The following CDH17 variants were observed in gnomAD, a reference collection of about 807,000 sequenced individuals.
The protein encoded by CDH17 is cadherin 17, also known as cadherin-17.
CDH17 carries 67 observed loss-of-function variants against 86.3 expected under a neutral mutation model. The ratio of observed to expected loss-of-function variants is 0.78; its 90% CI spans 0.64 to 0.95. The LOEUF (loss-of-function observed/expected upper bound fraction) is 0.95, where lower values mean the gene tolerates loss of function less well. CDH17 is among the 40% of genes least tolerant of loss of function. The pLI is 0.00. For synonymous variants in CDH17, 367 were observed against 366.4 expected, an observed-to-expected ratio of 1.00 and a Z score of -0.02; for missense variants, 993 against 1,017.6, an observed-to-expected ratio of 0.98 and a Z score of 0.33.
chr8:94,209,161 C>A (rs1454220908), upstream of CDH17, among the ~76,000 whole-genome samples: 2 of 152,120 alleles, frequency 1.3e-5, no homozygotes, highest in African/African-American at 2.4e-5. Context: ...TTTTCCCCCC[C>A]ACAATTCAGG....
intron 12 of CDH17, among the ~76,000 whole-genome samples, chr8:94,159,067 C>T (rs970886806): frequency 1.3e-5 from 2 of 152,258 alleles, no homozygotes; most frequent in Admixed American, 1.3e-4. Context: ...AGGAAAGTAT[C>T]TTAACTGTAA....
chr8:94,165,780 C>G lies in CDH17; in HGVS notation c.1263G>C (p.Thr421=). The change falls in exon 10 of 18, where the codon ACG becomes ACC. Residue 421 remains threonine, a synonymous_variant. Coordinates refer to ENST00000027335, the MANE Select transcript of CDH17 (RefSeq NM_004063.4). The part of the protein sequence containing the change: ...KKQDTPQYNL[T]IEVSDKDFKT... ...ACTAACCTTTGTCAGACACCTCTAT[C>G]GTTAAGTTGTACTGAGGAGTATCTT... 1 of 1,611,276 alleles carries G rather than the reference C, an allele frequency of 6.2e-7. No individual in the cohort carries two copies. The highest frequency in any genetic ancestry group is 8.5e-7 in the Non-Finnish European group (1 of 1,177,454).
intron 15 of CDH17, among the ~76,000 whole-genome samples, chr8:94,141,282 C>A (rs1309727003): frequency 2.1e-5 from 3 of 139,708 alleles, no homozygotes; most frequent in African/African-American, 7.6e-5. Flanking sequence ...AAAAAAAAAA[C>A]CCTCACAAAT....
chr8:94,145,309 T>C (rs1215137322), intron 15 of CDH17, among the ~76,000 whole-genome samples: 2 of 152,148 alleles, frequency 1.3e-5, no homozygotes, highest in Non-Finnish European at 1.5e-5. Context: ...AGGAATGAAG[T>C]ACTGATGCAT....
At chr8:94,155,282 G>C (rs1218898799) in intron 12 of CDH17, among the ~76,000 whole-genome samples, 2 of 151,916 alleles carry the variant, frequency 1.3e-5, no homozygotes, top group African/African-American at 4.8e-5. Flanking sequence ...GAACAAGCTG[G>C]AGTTTCTCAC....
intron 7 of CDH17, among the ~76,000 whole-genome samples, chr8:94,171,736 T>C (rs1813273150): frequency 1.3e-5 from 2 of 152,164 alleles, no homozygotes; most frequent in South Asian, 4.1e-4. Flanking sequence ...CTCTATTTTA[T>C]AATGAAGAAA....
intron 2 of CDH17, among the ~76,000 whole-genome samples, chr8:94,193,288 G>C (rs1056311275): frequency 2.0e-5 from 3 of 152,222 alleles, no homozygotes; most frequent in Non-Finnish European, 2.9e-5. Flanking sequence ...AGTGTGCTCA[G>C]TGCTGAATCT....
upstream of CDH17, among the ~76,000 whole-genome samples, chr8:94,209,427 TTG>T (rs1308793214): frequency 6.6e-6 from 1 of 152,142 alleles, no homozygotes; most frequent in Admixed American, 6.6e-5. Context: ...TGAGCTGAGG[TTG>T]TGTTTTCCAT....
At chr8:94,152,154 G>C (rs567602450) in intron 12 of CDH17, 42 bp from the exon 13 acceptor site, 1 of 1,604,920 alleles carries the variant, frequency 6.2e-7, no homozygotes, top group Non-Finnish European at 8.5e-7. Flanking sequence ...GGGGTGATTA[G>C]CTCCCTTAAA....
At chr8:94,135,477 G>A (rs1041772090) in intron 15 of CDH17, among the ~76,000 whole-genome samples, 12 of 151,998 alleles carry the variant, frequency 7.9e-5, no homozygotes, top group Non-Finnish European at 1.0e-4. Flanking sequence ...CTAGGATTGC[G>A]ATCCCTGCTT....
At chr8:94,144,936 C>T (rs1412165924) in intron 15 of CDH17, among the ~76,000 whole-genome samples, 1 of 152,098 alleles carries the variant, frequency 6.6e-6, no homozygotes, top group Non-Finnish European at 1.5e-5. Context: ...TAGAGAAATA[C>T]AAATAAAACC....
At chr8:94,149,341 G>A (rs1417867057) in intron 13 of CDH17, among the ~76,000 whole-genome samples, 1 of 152,146 alleles carries the variant, frequency 6.6e-6, no homozygotes, top group Non-Finnish European at 1.5e-5. Context: ...TGGTAACACA[G>A]TGAATTCCTC....
intron 1 of CDH17, among the ~76,000 whole-genome samples, chr8:94,204,210 C>T (rs547332766): frequency 2.0e-5 from 3 of 152,024 alleles, no homozygotes; most frequent in East Asian, 3.9e-4. Flanking sequence ...TAGGTATAGA[C>T]GTGCCATGGT....
chr8:94,162,550 G>T (rs772354103), intron 10 of CDH17, among the ~76,000 whole-genome samples: 19 of 152,198 alleles, frequency 1.2e-4, no homozygotes, highest in Non-Finnish European at 2.4e-4. Flanking sequence ...AAAGCCTTCT[G>T]TGAGCATCCC....
chr8:94,142,550 G>T (rs533152619), intron 15 of CDH17, among the ~76,000 whole-genome samples: 1 of 152,274 alleles, frequency 6.6e-6, no homozygotes, highest in South Asian at 2.1e-4. Flanking sequence ...TTTCATGAGA[G>T]AGCCCTCTGT....
chr8:94,204,690 T>C (rs1014425894), intron 1 of CDH17, among the ~76,000 whole-genome samples: 8 of 152,216 alleles, frequency 5.3e-5, no homozygotes, highest in African/African-American at 1.7e-4. Flanking sequence ...ATAATTATTC[T>C]TATTAAAGAA....
At chr8:94,142,839 T>G (rs958950500) in intron 15 of CDH17, among the ~76,000 whole-genome samples, 1 of 152,192 alleles carries the variant, frequency 6.6e-6, no homozygotes, top group African/African-American at 2.4e-5. Flanking sequence ...AGTTACATCA[T>G]CAAGGCTCCA....
intron 9 of CDH17, among the ~76,000 whole-genome samples, chr8:94,166,281 C>G (rs185301742): frequency 2.0e-3 from 307 of 152,314 alleles, no homozygotes; most frequent in African/African-American, 6.7e-3. Flanking sequence ...GAGGCTTCTC[C>G]TGGGCTTGTG....
chr8:94,190,272 C>A (rs985748684), intron 2 of CDH17, among the ~76,000 whole-genome samples: 1 of 152,218 alleles, frequency 6.6e-6, no homozygotes, highest in Non-Finnish European at 1.5e-5. Context: ...CCTCTATGCA[C>A]CAGCACCCAC....
Sources: allele counts gnomAD v4.1 joint callset (sites outside exome capture counted in the v4.1 genomes callset), GRCh38; gene constraint gnomAD v4.1.1; transcripts MANE v1.5; gene names NCBI Gene and HGNC (gene_info 2026-07-23, HGNC 2026-07-21).